The following LRRC37B variants were observed in gnomAD, a reference collection of about 807,000 sequenced individuals.
The protein encoded by LRRC37B is leucine rich repeat containing 37B, also known as leucine-rich repeat-containing protein 37B.
In LRRC37B, 28 loss-of-function variants were observed where a neutral mutation model predicts 98.3. The ratio of observed to expected loss-of-function variants is 0.28; its 90% CI spans 0.21 to 0.39. The LOEUF is 0.39. Among genes scored for constraint, LRRC37B ranks in the 10% least tolerant of loss-of-function variants. LRRC37B has a pLI of 1.00. For synonymous variants in LRRC37B, 364 were observed against 442.7 expected, an observed-to-expected ratio of 0.82 and a Z score of 2.23; for missense variants, 938 against 1,182.7, an observed-to-expected ratio of 0.79 and a Z score of 3.03.
chr17:32,012,806 C>T (rs2142235355), intron 1 of LRRC37B, among the ~76,000 whole-genome samples: 1 of 152,338 alleles, frequency 6.6e-6, no homozygotes, highest in Admixed American at 6.5e-5. Context: ...CACCTGAGGT[C>T]AGGAGTTCGA....
intron 1 of LRRC37B, among the ~76,000 whole-genome samples, chr17:32,023,274 A>T (rs2142242428): frequency 6.6e-6 from 1 of 152,180 alleles, no homozygotes; most frequent in African/African-American, 2.4e-5. Context: ...GGCATGCGCC[A>T]CCACACCTGG....
intron 2 of LRRC37B, among the ~76,000 whole-genome samples, chr17:32,027,248 AAAGGTATATTATGAT>A: frequency 6.6e-6 from 1 of 152,272 alleles, no homozygotes; most frequent in East Asian, 1.9e-4. Context: ...ATGGATTCTG[AAAGGTATATTATGAT>A]CTAGAGAGGA....
chr17:32,024,707 G>A lies in LRRC37B; in HGVS notation c.1761-4G>A, dbSNP rs766776004. The A allele has an allele frequency of 2.6e-5, 41 of 1,606,724 alleles. No individual in the cohort carries two copies. The highest frequency in any genetic ancestry group is 2.5e-4 in the East Asian group (11 of 44,828). ...TCAAGGATATAAACTGTCTTTCTTTGCAGAAATTTCCAAGGAAACTATATT... is the reference window on the plus strand; with the variant it reads ...TCAAGGATATAAACTGTCTTTCTTTACAGAAATTTCCAAGGAAACTATATT... On this transcript the variant is annotated splice_polypyrimidine_tract_variant and splice_region_variant and intron_variant, in intron 1 of 11. Coordinates refer to ENST00000327564, the Ensembl canonical transcript of LRRC37B.
intron 1 of LRRC37B, among the ~76,000 whole-genome samples, chr17:32,013,372 C>A (rs1910579386): frequency 6.6e-6 from 1 of 152,040 alleles, no homozygotes; most frequent in South Asian, 2.1e-4. Context: ...CTGACAGCAT[C>A]TTTTAATTAA....
At chr17:32,036,939 C>T (rs1421701396) in intron 7 of LRRC37B, among the ~76,000 whole-genome samples, 4 of 141,130 alleles carry the variant, frequency 2.8e-5, no homozygotes, top group South Asian at 2.3e-4. Flanking sequence ...TTTCCACCAG[C>T]GTTGTATGAG....
intron 7 of LRRC37B, chr17:32,035,857 C>G: frequency 2.3e-6 from 1 of 432,038 alleles, no homozygotes. Flanking sequence ...CCCTCATTTC[C>G]CTTTGTAGGC....
At chr17:32,046,599 C>CTTTTTTTTTTTTTTTTTTTT (rs796570580) in intron 8 of LRRC37B, among the ~76,000 whole-genome samples, 2 of 132,866 alleles carry the variant, frequency 1.5e-5, no homozygotes, top group African/African-American at 5.4e-5. Flanking sequence ...TTCTTTTTTT[C>CTTTTTTTTTTTTTTTTTTTT]TTTTTTTTTT....
chr17:32,022,012 T>C (rs1299421989), exon 1 of LRRC37B: 2 of 1,613,930 alleles, frequency 1.2e-6, no homozygotes, highest in Non-Finnish European at 1.7e-6. Context: ...GCGCAGCTTC[T>C]ACAGCTCCCT....
intron 1 of LRRC37B, among the ~76,000 whole-genome samples, chr17:32,013,089 A>G (rs1044800190): frequency 1.3e-5 from 2 of 152,114 alleles, no homozygotes; most frequent in Non-Finnish European, 2.9e-5. Context: ...TAGTAACATA[A>G]TACTGTTTTT....
intron 11 of LRRC37B, 81 bp downstream of exon 14, chr17:32,050,188 C>T (rs1373381879): frequency 1.4e-5 from 11 of 785,848 alleles, no homozygotes; most frequent in East Asian, 7.7e-5. Context: ...TGAAAACCAA[C>T]GTCACTTTCC....
At chr17:32,028,159 A>C (rs1189224637) in intron 3 of LRRC37B, among the ~76,000 whole-genome samples, 1 of 45,386 alleles carries the variant, frequency 2.2e-5, no homozygotes, top group Non-Finnish European at 4.9e-5. Flanking sequence ...AGTAGATCAA[A>C]TCTAACCTAA....
intron 1 of LRRC37B, among the ~76,000 whole-genome samples, chr17:32,013,157 T>C (rs1910573715): frequency 1.3e-5 from 2 of 152,168 alleles, no homozygotes; most frequent in Non-Finnish European, 2.9e-5. Flanking sequence ...CTATATATCA[T>C]GATATTCGTT....
intron 10 of LRRC37B, 48 bp from the exon 14 acceptor site, chr17:32,049,955 T>C (rs752694410): frequency 3.3e-5 from 40 of 1,196,396 alleles, no homozygotes; most frequent in Admixed American, 1.9e-4. Flanking sequence ...CTCTCTCTCT[T>C]TTTTTTTAAT....
upstream of LRRC37B, chr17:32,007,951 C>G (rs547187691): frequency 7.2e-6 from 4 of 557,100 alleles, no homozygotes; most frequent in East Asian, 1.5e-4. The surrounding 1 kb of genome is among the most constrained non-coding windows in gnomAD (Gnocchi z 4.1). Context: ...ATGATGACTA[C>G]GAGAGCGAGG....
At chr17:32,026,608 G>T (rs186883554) in intron 2 of LRRC37B, among the ~76,000 whole-genome samples, 104 of 152,154 alleles carry the variant, frequency 6.8e-4, no homozygotes, top group African/African-American at 2.2e-3. Flanking sequence ...TTTCTATTTT[G>T]AGTAGAGACA....
In LRRC37B at chr17:32,028,958, A is replaced by T. The variant is rs1362359909; in HGVS notation, c.1904+1118A>T. The stretch of plus-strand genomic sequence containing the variant: ...TTTGCTTTAAAATAATCATTTTCCT[A>T]CTACTCACTCCCCCAGCTATTCATT... On this transcript the variant is annotated intron_variant, in intron 3 of 11. Coordinates refer to ENST00000327564, the Ensembl canonical transcript of LRRC37B. 4.0e-5 allele frequency: 6 copies of T among 151,780 alleles called. 1 individual carries two copies. The South Asian group carries it at 8.4e-4, about 21-fold the overall frequency. 9.4% of individuals were successfully genotyped at this position (151,780 alleles called of 1,614,324 possible).
chr17:32,012,841 AC>A (rs528728964), intron 1 of LRRC37B, among the ~76,000 whole-genome samples: 257 of 152,276 alleles, frequency 1.7e-3, no homozygotes, highest in African/African-American at 5.6e-3. Flanking sequence ...AGATGGTGAA[AC>A]CCCGTCCCTA....
exon 1 of LRRC37B, chr17:32,021,668 A>T (rs1194937825): frequency 6.2e-7 from 1 of 1,614,242 alleles, no homozygotes; most frequent in Non-Finnish European, 8.5e-7. Flanking sequence ...TACTTGTTCC[A>T]CTAGACAGTA....
exon 1 of LRRC37B, chr17:32,021,475 G>A: frequency 5.0e-6 from 8 of 1,614,164 alleles, no homozygotes; most frequent in Non-Finnish European, 6.8e-6. Context: ...CTGCCCCTGG[G>A]GCCAGAGCCG....
Sources: allele counts gnomAD v4.1 joint callset (sites outside exome capture counted in the v4.1 genomes callset), GRCh38; gene constraint gnomAD v4.1.1; non-coding constraint Gnocchi (gnomAD v3.1); transcripts MANE v1.5; gene names NCBI Gene and HGNC (gene_info 2026-07-23, HGNC 2026-07-21).